DPP6: variants seen among roughly 807,000 people sequenced by gnomAD.
DPP6 encodes the protein dipeptidyl peptidase like 6, also known as A-type potassium channel modulatory protein DPP6.
A neutral mutation model predicts 122.6 loss-of-function variants in DPP6; 69 were observed. The ratio of observed to expected loss-of-function variants is 0.56; its 90% CI spans 0.46 to 0.69. The LOEUF (loss-of-function observed/expected upper bound fraction) is 0.69, where lower values mean the gene tolerates loss of function less well. Ranked by LOEUF, DPP6 falls within the 30% of genes least tolerant of loss-of-function variation. The probability of loss-of-function intolerance (pLI) is 0.00; values close to 1 mark genes in which losing one functional copy is unlikely to be tolerated. For missense variants in DPP6, 928 were observed against 1,116.9 expected, an observed-to-expected ratio of 0.83 and a Z score of 2.41; for synonymous variants, 418 against 433.1, an observed-to-expected ratio of 0.97 and a Z score of 0.43.
At chr7:153,957,037 G>C in intron 1 of DPP6, among the ~76,000 whole-genome samples, 1 of 152,148 alleles carries the variant, frequency 6.6e-6, no homozygotes, top group East Asian at 1.9e-4. Flanking sequence ...GGAAAAGTGT[G>C]TTTGTAAATT....
chr7:154,176,675 C>T (rs1169375014), intron 1 of DPP6, among the ~76,000 whole-genome samples: 4 of 152,300 alleles, frequency 2.6e-5, no homozygotes, highest in Middle Eastern at 3.4e-3. Flanking sequence ...CTCTCCAATG[C>T]GCTGGGTCTC....
chr7:153,905,706 G>T (rs997364911), intron 1 of DPP6, among the ~76,000 whole-genome samples: 1 of 152,180 alleles, frequency 6.6e-6, no homozygotes, highest in Non-Finnish European at 1.5e-5. Context: ...AACTTGTGAA[G>T]GCTGAGGAAT....
chr7:154,574,812 GA>G (rs1563877981), intron 5 of DPP6, among the ~76,000 whole-genome samples: 1,473 of 111,170 alleles, frequency 0.013, 15 homozygotes, highest in South Asian at 0.019. Flanking sequence ...TTGTGTGTGT[GA>G]TGTGTTTGTG....
chr7:154,226,814 C>A (rs1235331673), intron 1 of DPP6, among the ~76,000 whole-genome samples: 1 of 152,164 alleles, frequency 6.6e-6, no homozygotes, highest in African/African-American at 2.4e-5. Flanking sequence ...ATGGGGCTTA[C>A]AGTCAGGTGT....
intron 1 of DPP6, among the ~76,000 whole-genome samples, chr7:154,067,921 TG>T (rs1802854581): frequency 1.5e-5 from 2 of 135,646 alleles, no homozygotes; most frequent in African/African-American, 7.6e-5. Context: ...TTTTTTTGTT[TG>T]TTTGTTTGTT....
intron 5 of DPP6, among the ~76,000 whole-genome samples, chr7:154,576,781 G>A (rs1256566970): frequency 1.3e-5 from 2 of 152,176 alleles, no homozygotes; most frequent in African/African-American, 4.8e-5. Context: ...GACCTGCACG[G>A]AGACCCTGGT....
At chr7:154,528,277 T>A (rs1219527031) in intron 3 of DPP6, among the ~76,000 whole-genome samples, 1 of 152,230 alleles carries the variant, frequency 6.6e-6, no homozygotes, top group Non-Finnish European at 1.5e-5. Context: ...CCTATCCATA[T>A]AGCGTTAAAA....
intron 1 of DPP6, among the ~76,000 whole-genome samples, chr7:154,396,167 G>T (rs76850707): frequency 5.3e-5 from 8 of 152,098 alleles, no homozygotes; most frequent in Non-Finnish European, 1.2e-4. Flanking sequence ...CTTACTATGT[G>T]CATGACACTG....
At chr7:154,498,765 C>A (rs1250075627) in intron 3 of DPP6, among the ~76,000 whole-genome samples, 1 of 152,138 alleles carries the variant, frequency 6.6e-6, no homozygotes, top group Non-Finnish European at 1.5e-5. Context: ...GCAGCAGCTG[C>A]CCTGTGCACT....
chr7:154,792,912 C>CTGTTCCTTCTGT (rs1440356054), intron 10 of DPP6, among the ~76,000 whole-genome samples: 44 of 152,294 alleles, frequency 2.9e-4, no homozygotes, highest in African/African-American at 1.0e-3. Flanking sequence ...CCCTCACCTG[C>CTGTTCCTTCTGT]TTGCCGCTGT....
intron 1 of DPP6, among the ~76,000 whole-genome samples, chr7:154,124,140 C>G (rs559079609): frequency 3.3e-5 from 5 of 152,236 alleles, no homozygotes; most frequent in African/African-American, 1.2e-4. Context: ...AAGTTCCACT[C>G]CTCCACTTGC....
At chr7:153,893,896 G>A (rs1306920821) in intron 1 of DPP6, among the ~76,000 whole-genome samples, 3 of 152,208 alleles carry the variant, frequency 2.0e-5, no homozygotes, top group Non-Finnish European at 4.4e-5. Flanking sequence ...GAGCTGGCAA[G>A]CTCTGATTGG....
chr7:153,935,975 C>T (rs770435681), intron 1 of DPP6, among the ~76,000 whole-genome samples: 2 of 152,186 alleles, frequency 1.3e-5, no homozygotes, highest in African/African-American at 2.4e-5. Context: ...ATGATCTAAT[C>T]AGCAGTCTGA....
At chr7:153,753,192 G>T in the DPP6 span, among the ~76,000 whole-genome samples, 1 of 150,340 alleles carries the variant, frequency 6.7e-6, no homozygotes, top group Non-Finnish European at 1.5e-5. Flanking sequence ...ACTTGTATGT[G>T]ACTAGCCATG....
At chr7:154,336,369 C>T (rs1448820706) in intron 1 of DPP6, among the ~76,000 whole-genome samples, 1 of 152,108 alleles carries the variant, frequency 6.6e-6, no homozygotes, top group Admixed American at 6.6e-5. Flanking sequence ...CTGGAGGGCT[C>T]TTGGTCCATC....
chr7:154,885,432 G>A (rs73169088), intron 21 of DPP6: 127 of 652,944 alleles, frequency 1.9e-4, no homozygotes, highest in East Asian at 3.9e-4. Flanking sequence ...GAAGGCGCAC[G>A]TCGCATAATG....
chr7:154,650,231 G>A (rs1380590930), intron 6 of DPP6, among the ~76,000 whole-genome samples: 1 of 152,022 alleles, frequency 6.6e-6, no homozygotes, highest in African/African-American at 2.4e-5. Flanking sequence ...ATGCTGAAGT[G>A]GGAGAATCGC....
chr7:154,761,811 T>G (rs1306783741), intron 8 of DPP6, among the ~76,000 whole-genome samples: 1 of 152,206 alleles, frequency 6.6e-6, no homozygotes, highest in Non-Finnish European at 1.5e-5. Context: ...ACTCGTCATT[T>G]ACATTAGGTA....
chr7:154,210,254 C>T (rs540487826), intron 1 of DPP6, among the ~76,000 whole-genome samples: 1 of 152,298 alleles, frequency 6.6e-6, no homozygotes, highest in South Asian at 2.1e-4. Flanking sequence ...GACAGTCCTG[C>T]AGTCAATGGC....
Sources: gnomAD v4.1 joint callset for allele counts (sites outside exome capture counted in the v4.1 genomes callset) on GRCh38, gnomAD v4.1.1 for gene constraint, MANE v1.5 for transcripts, NCBI Gene and HGNC (gene_info 2026-07-23, HGNC 2026-07-21) for gene names.